Variants in ZFPM2 observed in about 807,000 individuals in gnomAD.
The protein encoded by ZFPM2 is zinc finger protein, FOG family member 2.
In ZFPM2, 20 loss-of-function variants were observed where a neutral mutation model predicts 98.6. That is an observed-to-expected ratio of 0.20 (90% CI 0.14 to 0.29). ZFPM2 has a LOEUF of 0.29. Ranked by LOEUF, ZFPM2 falls within the 10% of genes least tolerant of loss-of-function variation. ZFPM2 has a pLI of 1.00. For synonymous variants in ZFPM2, 518 were observed against 502.7 expected (o/e 1.03, Z -0.41); for missense variants, 1,310 against 1,388.6 (o/e 0.94, Z 0.90).
intron 5 of ZFPM2, among the ~76,000 whole-genome samples, chr8:105,736,087 C>T (rs1409607948): frequency 6.6e-6 from 1 of 151,892 alleles, no homozygotes; most frequent in South Asian, 2.1e-4. Context: ...TAAACATGTG[C>T]TTATTTGTAA....
intron 3 of ZFPM2, among the ~76,000 whole-genome samples, chr8:105,508,384 TATCAGCTTCTGACCAGTTCATAA>T (rs1225616911): frequency 6.6e-6 from 1 of 152,172 alleles, no homozygotes; most frequent in Non-Finnish European, 1.5e-5. Context: ...CTCCTCAGTT[TATCAGCTTCTGACCAGTTCATAA>T]ATCAGTCTGT....
intron 2 of ZFPM2, among the ~76,000 whole-genome samples, 200 bp from the exon 3 acceptor site, chr8:105,444,080 A>G (rs1445829875): frequency 6.6e-6 from 1 of 152,230 alleles, no homozygotes; most frequent in African/African-American, 2.4e-5. Flanking sequence ...TCATTCATTT[A>G]TTGATAACAA....
At chr8:105,374,419 T>G (rs1297297763) in intron 1 of ZFPM2, among the ~76,000 whole-genome samples, 1 of 152,070 alleles carries the variant, frequency 6.6e-6, no homozygotes, top group Non-Finnish European at 1.5e-5. Context: ...TTTTTTTTTT[T>G]GAGACAGGGT....
intron 5 of ZFPM2, among the ~76,000 whole-genome samples, chr8:105,700,617 G>A (rs1811120127): frequency 6.6e-6 from 1 of 152,042 alleles, no homozygotes; most frequent in African/African-American, 2.4e-5. Flanking sequence ...TTGAGACTGA[G>A]TCTCCCACTG....
intron 7 of ZFPM2, among the ~76,000 whole-genome samples, chr8:105,799,506 C>CTA (rs1396346486): frequency 1.3e-5 from 2 of 152,102 alleles, no homozygotes; most frequent in African/African-American, 4.8e-5. Context: ...ACTTTTAGTA[C>CTA]TATGTTTTAA....
intron 5 of ZFPM2, among the ~76,000 whole-genome samples, chr8:105,710,150 G>T (rs1339570582): frequency 6.7e-6 from 1 of 149,362 alleles, no homozygotes; most frequent in Non-Finnish European, 1.5e-5. Context: ...AAAACTTTAC[G>T]TTTGTGAAGT....
intron 4 of ZFPM2, among the ~76,000 whole-genome samples, chr8:105,567,210 A>G (rs1372292898): frequency 1.3e-5 from 2 of 152,088 alleles, no homozygotes; most frequent in African/African-American, 2.4e-5. Context: ...ATCTCTACCT[A>G]TGTCTCCAGC....
intron 5 of ZFPM2, among the ~76,000 whole-genome samples, chr8:105,749,505 C>T (rs1258972857): frequency 6.6e-6 from 1 of 152,028 alleles, no homozygotes; most frequent in Non-Finnish European, 1.5e-5. Flanking sequence ...CTTTGAGAAG[C>T]TGTAGCCCCT....
At chr8:105,323,032 T>G in intron 1 of ZFPM2, among the ~76,000 whole-genome samples, 1 of 151,780 alleles carries the variant, frequency 6.6e-6, no homozygotes, top group Non-Finnish European at 1.5e-5. Flanking sequence ...TATTATTTAA[T>G]ATTTGTCACA....
intron 5 of ZFPM2, among the ~76,000 whole-genome samples, chr8:105,726,640 C>G (rs1811814007): frequency 6.6e-6 from 1 of 151,736 alleles, no homozygotes; most frequent in Admixed American, 6.6e-5. Flanking sequence ...AATCCCTAGT[C>G]ATAAATGAGT....
intron 5 of ZFPM2, among the ~76,000 whole-genome samples, chr8:105,653,043 G>A (rs1046179250): frequency 1.3e-5 from 2 of 152,164 alleles, no homozygotes; most frequent in Non-Finnish European, 2.9e-5. Context: ...AAATAATGTG[G>A]ACTGTGAAAG....
rs7000838 is a variant in ZFPM2, at chr8:105,645,819, C to T, written c.532+11462C>T. ...CTGTAATCCCAGCACTTTGGGAGGC[C>T]AAGGCAGACGGATCATAAGGTCAAG... On this transcript the variant is annotated intron_variant, in intron 5 of 7. Transcript: ENST00000407775. Among the ~76,000 whole-genome samples, 1,072 of 151,916 alleles carry T rather than the reference C, an allele frequency of 7.1e-3. 11 individuals are homozygous for T. The highest frequency in any genetic ancestry group is 0.024 in the African/African-American group (989 of 41,438).
intron 1 of ZFPM2, among the ~76,000 whole-genome samples, chr8:105,321,910 A>G (rs993375111): frequency 6.6e-6 from 1 of 152,110 alleles, no homozygotes; most frequent in Non-Finnish European, 1.5e-5. Flanking sequence ...AAAAATAGTC[A>G]CTCAGTGCTC....
chr8:105,703,540 G>A (rs1265016485), intron 5 of ZFPM2, among the ~76,000 whole-genome samples: 4 of 152,038 alleles, frequency 2.6e-5, no homozygotes, highest in Non-Finnish European at 4.4e-5. Flanking sequence ...GTCTTGGCTT[G>A]TTTAGGAAAT....
At position 105,759,595 on chromosome 8, in the gene ZFPM2, T is replaced by TGC. The variant is rs901746074; in HGVS notation, c.533-29122_533-29121insCG. Among the ~76,000 whole-genome samples the TGC allele has an allele frequency of 2.3e-4, 35 of 151,842 alleles. 1 individual carries two copies. Among genetic ancestry groups the TGC allele is most frequent in the East Asian group, 1.9e-4 (1 of 5,170 alleles). ...TTGATAATCCTTGTGTGTGTGTGTG[T>TGC]GTGTGTGTGTGTGTGTATGCACATG... On this transcript the variant is annotated intron_variant, in intron 5 of 7. Transcript: ENST00000407775.
chr8:105,342,641 T>C (rs1188233945), intron 1 of ZFPM2, among the ~76,000 whole-genome samples: 1 of 151,852 alleles, frequency 6.6e-6, no homozygotes, highest in Non-Finnish European at 1.5e-5. Flanking sequence ...TCTTAACTTA[T>C]ATTTACTTTA....
intron 3 of ZFPM2, among the ~76,000 whole-genome samples, chr8:105,484,917 TA>T: frequency 6.6e-6 from 1 of 152,246 alleles, no homozygotes; most frequent in East Asian, 1.9e-4. Flanking sequence ...CCCAACTTAT[TA>T]AAGGAGGTTT....
At chr8:105,556,370 A>G (rs1814991239) in intron 3 of ZFPM2, among the ~76,000 whole-genome samples, 1 of 152,134 alleles carries the variant, frequency 6.6e-6, no homozygotes, top group Non-Finnish European at 1.5e-5. Context: ...TGCTCTTAGA[A>G]TTCTTCAATT....
At chr8:105,514,017 T>C (rs1171148467) in intron 3 of ZFPM2, among the ~76,000 whole-genome samples, 19 of 151,348 alleles carry the variant, frequency 1.3e-4, no homozygotes, top group African/African-American at 2.7e-4. Context: ...TTTTTTTTTT[T>C]CCCAAGATTA....
Sources: gnomAD v4.1 joint callset for allele counts (sites outside exome capture counted in the v4.1 genomes callset) on GRCh38, gnomAD v4.1.1 for gene constraint, MANE v1.5 for transcripts, NCBI Gene and HGNC (gene_info 2026-07-23, HGNC 2026-07-21) for gene names.